Variants in SNAP91 observed in about 807,000 individuals in gnomAD.
SNAP91 encodes synaptosome associated protein 91, also known as clathrin coat assembly protein AP180.
SNAP91 carries 27 observed loss-of-function variants against 100.3 expected under a neutral mutation model. The ratio of observed to expected loss-of-function variants is 0.27; its 90% CI spans 0.20 to 0.37. The LOEUF is 0.37. SNAP91 is among the 10% of genes least tolerant of loss of function. The pLI, the probability that SNAP91 is intolerant of heterozygous loss-of-function variation, is 1.00. For missense variants in SNAP91, 986 were observed against 1,123.7 expected (o/e 0.88, Z 1.75); for synonymous variants, 404 against 398.6 (o/e 1.01, Z -0.16).
intron 16 of SNAP91, among the ~76,000 whole-genome samples, chr6:83,600,900 C>T (rs933824131): frequency 6.6e-6 from 1 of 152,170 alleles, no homozygotes; most frequent in Non-Finnish European, 1.5e-5. Flanking sequence ...ATTCTCTGGG[C>T]TAGTTCTAAT....
chr6:83,642,765 ACT>A (rs894544860), intron 7 of SNAP91, among the ~76,000 whole-genome samples: 47 of 152,146 alleles, frequency 3.1e-4, no homozygotes, highest in African/African-American at 1.1e-3. Context: ...GAATTGCCAC[ACT>A]GTCTTCCACA....
chr6:83,646,446 C>A (rs537310728), intron 7 of SNAP91, among the ~76,000 whole-genome samples: 6 of 152,206 alleles, frequency 3.9e-5, no homozygotes, highest in African/African-American at 1.4e-4. Context: ...GGTGTATGCA[C>A]GTCCAGTTGT....
intron 24 of SNAP91, among the ~76,000 whole-genome samples, chr6:83,577,796 G>C (rs920234165): frequency 6.6e-6 from 1 of 152,114 alleles, no homozygotes; most frequent in Non-Finnish European, 1.5e-5. Flanking sequence ...AATGGTTTTA[G>C]TTTATTCACA....
rs537310728 is a variant in SNAP91 at position 83,646,446 on chromosome 6, C to T, written c.659-5244G>A. On this transcript the variant is annotated intron_variant, in intron 7 of 29. Transcript: ENST00000369694. ...CAGATTAATTTTTTTGGTGTATGCACGTCCAGTTGTTCCAGCACCATTTGT... is the reference window on the plus strand; with the variant it reads ...CAGATTAATTTTTTTGGTGTATGCATGTCCAGTTGTTCCAGCACCATTTGT... 9.9e-5 allele frequency among the ~76,000 whole-genome samples: 15 copies of T among 152,204 alleles called. No homozygotes were observed. In the South Asian group the frequency reaches 1.7e-3, roughly 17 times the overall value.
chr6:83,659,508 T>G (rs567229493), intron 5 of SNAP91, among the ~76,000 whole-genome samples: 30 of 149,966 alleles, frequency 2.0e-4, no homozygotes, highest in African/African-American at 7.1e-4. Flanking sequence ...CACTGTAATC[T>G]CAAACTCCTG....
At chr6:83,628,503 C>T (rs1484971771) in intron 8 of SNAP91, among the ~76,000 whole-genome samples, 1 of 151,480 alleles carries the variant, frequency 6.6e-6, no homozygotes, top group Admixed American at 6.6e-5. Flanking sequence ...CTGATCACCA[C>T]ATCCATGCCA....
At chr6:83,699,061 G>T (rs1166611064) in intron 2 of SNAP91, among the ~76,000 whole-genome samples, 1 of 152,092 alleles carries the variant, frequency 6.6e-6, no homozygotes, top group Admixed American at 6.6e-5. Flanking sequence ...TTCAACTTCA[G>T]GTGCTCTCAG....
intron 1 of SNAP91, 123 bp downstream of exon 1, chr6:83,708,722 C>T (rs1481236768): frequency 6.6e-6 from 1 of 152,354 alleles, no homozygotes; most frequent in Admixed American, 6.6e-5. Context: ...CCCGCCCGCC[C>T]TGGAGCGCTC....
chr6:83,558,700 ATAAGT>A (rs1358337735), intron 28 of SNAP91, among the ~76,000 whole-genome samples: 1 of 152,232 alleles, frequency 6.6e-6, no homozygotes, highest in African/African-American at 2.4e-5. Context: ...TACTGATTTG[ATAAGT>A]TAAAAATATT....
intron 26 of SNAP91, among the ~76,000 whole-genome samples, chr6:83,573,680 T>C (rs543852106): frequency 6.6e-6 from 1 of 152,192 alleles, no homozygotes; most frequent in East Asian, 1.9e-4. Context: ...TTGACAAACC[T>C]GACAAAAACA....
chr6:83,692,736 T>C (rs962059630), intron 2 of SNAP91, among the ~76,000 whole-genome samples: 3 of 152,254 alleles, frequency 2.0e-5, no homozygotes, highest in East Asian at 1.9e-4. Context: ...TTAAAATAAA[T>C]GCTTCAGTAG....
intron 26 of SNAP91, among the ~76,000 whole-genome samples, chr6:83,563,201 T>C (rs1450951179): frequency 6.6e-6 from 1 of 152,196 alleles, no homozygotes; most frequent in Non-Finnish European, 1.5e-5. Flanking sequence ...AACCCGCTTT[T>C]GAGGCCTGTC....
chr6:83,703,163 T>G (rs556054644), intron 2 of SNAP91, among the ~76,000 whole-genome samples: 14 of 151,860 alleles, frequency 9.2e-5, no homozygotes, highest in South Asian at 6.2e-4. Context: ...GGTGTGTTTT[T>G]TTTTTTTTTT....
intron 2 of SNAP91, among the ~76,000 whole-genome samples, chr6:83,670,715 C>T (rs1401915376): frequency 1.3e-5 from 2 of 151,650 alleles, no homozygotes; most frequent in Non-Finnish European, 2.9e-5. Context: ...CATTTTTCTG[C>T]ATATGGATAT....
chr6:83,688,036 A>G (rs1040706513), intron 2 of SNAP91, among the ~76,000 whole-genome samples: 1 of 152,096 alleles, frequency 6.6e-6, no homozygotes, highest in African/African-American at 2.4e-5. Context: ...TTTCAAACCC[A>G]TGGAGGTTGA....
chr6:83,659,062 G>A lies in SNAP91; in HGVS notation c.483C>T (p.Pro161=), dbSNP rs200257267. 25 of 1,603,762 alleles carry A rather than the reference G, an allele frequency of 1.6e-5. No individual in the cohort carries two copies. Among genetic ancestry groups the A allele is most frequent in the South Asian group, 5.6e-5 (5 of 89,082 alleles). The stretch of plus-strand genomic sequence containing the variant: ...TTGGCATACTCTTTAGCAGCTTTTC[G>A]GGAGCCATTGTCCTCATTACACCAT... ...GADGVMRTMA[P]EKLLKSMPIL... The change falls in exon 6 of 30, where the codon CCC becomes CCT. Residue 161 remains proline (P), a synonymous_variant. Transcript: ENST00000369694.
chr6:83,617,136 G>T, intron 9 of SNAP91, 97 bp from the exon 10 acceptor site: 1 of 657,642 alleles, frequency 1.5e-6, no homozygotes, highest in Non-Finnish European at 2.5e-6. Context: ...GTCTGTGGAT[G>T]GACCCCGATA....
chr6:83,686,171 A>G, intron 2 of SNAP91: 1 of 985,306 alleles, frequency 1.0e-6, no homozygotes, highest in Non-Finnish European at 1.2e-6. Flanking sequence ...CCCACAATCA[A>G]CACTGTTTTT....
At chr6:83,655,226 C>A (rs924314019) in intron 7 of SNAP91, among the ~76,000 whole-genome samples, 3 of 152,138 alleles carry the variant, frequency 2.0e-5, no homozygotes, top group Non-Finnish European at 4.4e-5. Flanking sequence ...AAATTTTGTA[C>A]CTTGCACTCT....
Sources: allele counts gnomAD v4.1 joint callset (sites outside exome capture counted in the v4.1 genomes callset), GRCh38; gene constraint gnomAD v4.1.1; transcripts MANE v1.5; gene names NCBI Gene and HGNC (gene_info 2026-07-23, HGNC 2026-07-21).